ZNF624: variants seen among roughly 807,000 people sequenced by gnomAD.
ZNF624 encodes zinc finger protein 624.
In ZNF624, 43 loss-of-function variants were observed where a neutral mutation model predicts 74.7. The ratio of observed to expected loss-of-function variants is 0.58; its 90% CI spans 0.45 to 0.74. The LOEUF is 0.74. Ranked by LOEUF, ZNF624 falls within the 30% of genes least tolerant of loss-of-function variation. The probability of loss-of-function intolerance (pLI) is 0.00; values close to 1 mark genes in which losing one functional copy is unlikely to be tolerated. For synonymous variants in ZNF624, 331 were observed against 341.3 expected (o/e 0.97, Z 0.33); for missense variants, 820 against 1,030.0 (o/e 0.80, Z 2.79).
At chr17:16,616,496 G>A (rs1356861532), downstream of ZNF624, among the ~76,000 whole-genome samples, 2 of 152,102 alleles carry the variant, frequency 1.3e-5, no homozygotes, top group African/African-American at 4.8e-5. Context: ...TTAAAAATAA[G>A]CAAACAAATA....
chr17:16,651,145 G>C (rs1028763413), intron 1 of ZNF624, among the ~76,000 whole-genome samples: 8 of 152,050 alleles, frequency 5.3e-5, no homozygotes, highest in Non-Finnish European at 1.0e-4. Flanking sequence ...TAAATATCTT[G>C]GCTGGGCATG....
At chr17:16,629,572 T>C (rs112988503) in intron 5 of ZNF624, among the ~76,000 whole-genome samples, 5,602 of 152,128 alleles carry the variant, frequency 0.037, 337 homozygotes, top group African/African-American at 0.13. Context: ...TTTACTTACT[T>C]ACTTACTTAT....
At chr17:16,643,710 A>G (rs1428236975) in intron 3 of ZNF624, among the ~76,000 whole-genome samples, 3 of 152,258 alleles carry the variant, frequency 2.0e-5, no homozygotes, top group African/African-American at 2.4e-5. Context: ...TACTGCCAGA[A>G]GGACAATCTT....
At chr17:16,638,337 C>T (rs1234931439) in intron 3 of ZNF624, among the ~76,000 whole-genome samples, 7 of 152,120 alleles carry the variant, frequency 4.6e-5, no homozygotes, top group Non-Finnish European at 1.0e-4. Flanking sequence ...CTAGAAATAC[C>T]ATTTGACCCA....
Position 16,649,697 on chromosome 17 carries a change from T to C in ZNF624, c.48A>G (p.Gly16=), listed in dbSNP as rs1395712050. The change falls in exon 2 of 6, where the codon GGA becomes GGG. Residue 16 remains glycine (G), a synonymous_variant. Coordinates refer to ENST00000311331, the MANE Select transcript of ZNF624 (RefSeq NM_020787.4). ...AGAAAAACACAGCAGCCATAATCTC[T>C]CCCTCTGGTTTCCCCTCTCTGGAAA... is the stretch of plus-strand genomic sequence containing the variant. ...STLSREGKPE[G]EIMAAVFFSV... 28 of 1,613,826 alleles carry C rather than the reference T, an allele frequency of 1.7e-5. No individual in the cohort carries two copies. Among genetic ancestry groups the C allele is most frequent in the Non-Finnish European group, 2.3e-5 (27 of 1,179,880 alleles).
intron 5 of ZNF624, among the ~76,000 whole-genome samples, chr17:16,632,410 C>T (rs1381940976): frequency 1.3e-5 from 2 of 152,116 alleles, no homozygotes; most frequent in Non-Finnish European, 2.9e-5. Context: ...AAAAATAAAA[C>T]AAGTATTTTT....
At chr17:16,629,093 G>C (rs183979346) in intron 5 of ZNF624, among the ~76,000 whole-genome samples, 65 of 150,930 alleles carry the variant, frequency 4.3e-4, no homozygotes, top group Admixed American at 2.3e-3. Context: ...AGCTACTCAG[G>C]AGGCTGAGGC....
At chr17:16,633,521 A>AT in intron 5 of ZNF624, among the ~76,000 whole-genome samples, 1 of 152,240 alleles carries the variant, frequency 6.6e-6, no homozygotes, top group South Asian at 2.1e-4. Context: ...AAGAAATGTC[A>AT]GATAATGAAA....
rs1908931229 is a variant in ZNF624, at chr17:16,622,177, C to G, written c.*111G>C. ...TTTCCCACATAATTGCTTATAGTTT[C>G]TCTGTATACTTTCTGATAAATTCCT... On this transcript the variant is annotated 3_prime_UTR_variant, in exon 6 of 6. Coordinates refer to ENST00000311331, the MANE Select transcript of ZNF624 (RefSeq NM_020787.4). The G allele has an allele frequency of 1.3e-6, 1 of 775,522 alleles. No individual in the cohort carries two copies. 48.0% of individuals were successfully genotyped at this position (775,522 alleles called of 1,614,324 possible).
chr17:16,624,367 AT>A lies in ZNF624; in HGVS notation c.518del (p.Asp173ValfsTer4). The A allele has an allele frequency of 1.2e-6, 2 of 1,613,940 alleles. No homozygotes were observed. The highest frequency in any genetic ancestry group is 1.7e-6 in the Non-Finnish European group (2 of 1,179,986). ...GATTATTTTGTAATCTCAATATCCTATCATTCCATTTCCATAACCCTTCCAT... is the reference window on the plus strand; with the variant it reads ...GATTATTTTGTAATCTCAATATCCTACATTCCATTTCCATAACCCTTCCAT... Reference protein sequence around the residue: ...SRMEGLWKWNDRILRLQNNQE... With the variant: ...SRMEGLWKWNXRILRLQNNQE... On this transcript the variant is annotated frameshift_variant, in exon 6 of 6. Coordinates refer to ENST00000311331, the MANE Select transcript of ZNF624 (RefSeq NM_020787.4). LOFTEE classifies it high-confidence loss of function.
chr17:16,633,379 G>T (rs1909249323), intron 5 of ZNF624, among the ~76,000 whole-genome samples: 1 of 152,148 alleles, frequency 6.6e-6, no homozygotes, highest in Non-Finnish European at 1.5e-5. Flanking sequence ...TAAAAACCTG[G>T]AGGAGAGGTG....
At chr17:16,645,508 C>T (rs986824858) in intron 3 of ZNF624, among the ~76,000 whole-genome samples, 1 of 151,824 alleles carries the variant, frequency 6.6e-6, no homozygotes, top group Non-Finnish European at 1.5e-5. Context: ...TTATAATAAT[C>T]ATGCAATAAG....
rs769077914 is a variant in ZNF624 at position 16,622,631 on chromosome 17, T to C, written c.2255A>G (p.Tyr752Cys). 2.7e-5 allele frequency: 43 copies of C among 1,614,082 alleles called. No homozygotes were observed. The highest frequency in any genetic ancestry group is 1.6e-4 in the Middle Eastern group (1 of 6,062). The change falls in exon 6 of 6, where the codon TAT becomes TGT. Residue 752 changes from tyrosine to cysteine, a missense_variant. Coordinates refer to ENST00000311331, the MANE Select transcript of ZNF624 (RefSeq NM_020787.4). ...GGCTTTTCCACAGACATCACACTTATAGGGCTTCTCTCCACTATGGATTTT... is the reference window on the plus strand; with the variant it reads ...GGCTTTTCCACAGACATCACACTTACAGGGCTTCTCTCCACTATGGATTTT... ...HQKIHSGEKPYKCDVCGKAFR... is the reference protein window; with the variant it reads ...HQKIHSGEKPCKCDVCGKAFR...
In ZNF624 at chr17:16,622,298, T is replaced by G; in HGVS notation, c.2588A>C (p.Gln863Pro). Reference protein sequence around the residue: ...VHQRIHQRETQLI With the variant: ...VHQRIHQRETPLI ...ATGACTTATTGTTCTTTATATTAAC[T>G]GAGTTTCTCTTTGATGTATTCTTTG... The change falls in exon 6 of 6, where the codon CAG becomes CCG. Residue 863 changes from glutamine (Q) to proline (P), a missense_variant. Gln to Pro is a moderately conservative substitution (Grantham distance 76, BLOSUM62 -1). Transcript: ENST00000311331. The G allele has an allele frequency of 6.4e-7, 1 of 1,558,048 alleles. No homozygotes were observed. Among genetic ancestry groups the G allele is most frequent in the Non-Finnish European group, 8.6e-7 (1 of 1,156,862 alleles).
intron 3 of ZNF624, among the ~76,000 whole-genome samples, chr17:16,646,824 C>A (rs973565401): frequency 6.6e-6 from 1 of 152,130 alleles, no homozygotes; most frequent in Admixed American, 6.5e-5. Flanking sequence ...CTTGTTAAGA[C>A]AATGGTCTAA....
downstream of ZNF624, chr17:16,616,876 G>A: frequency 2.1e-6 from 3 of 1,403,882 alleles, no homozygotes; most frequent in Admixed American, 4.2e-5. Context: ...CCTGGACCTT[G>A]ATCTTGACTT....
At chr17:16,637,663 T>C (rs1027771272) in intron 3 of ZNF624, among the ~76,000 whole-genome samples, 3 of 152,188 alleles carry the variant, frequency 2.0e-5, no homozygotes, top group Non-Finnish European at 2.9e-5. Flanking sequence ...TGGCTGGCCA[T>C]ATGTAGAAAG....
rs1387320509 is a variant in ZNF624 at position 16,633,911 on chromosome 17, C to T, written c.327G>A (p.Gly109=). ...CTCTCACCGTCACCCATGGTCCTTT[C>T]CCATTCTCCAAATGAGATATCATGT... ...KPDMISHLEN[G]KGPWVTVREI... is the part of the protein sequence containing the mutation. Residue 109 remains glycine, a synonymous_variant, in exon 5 of 6, where the codon GGG becomes GGA. Coordinates refer to ENST00000311331, the MANE Select transcript of ZNF624 (RefSeq NM_020787.4). The T allele has an allele frequency of 6.2e-7, 1 of 1,613,588 alleles. No individual in the cohort carries two copies. The highest frequency in any genetic ancestry group is 1.3e-5 in the African/African-American group (1 of 74,898).
chr17:16,624,638 GT>G, intron 5 of ZNF624, 129 bp from the exon 6 acceptor site: 2 of 856,680 alleles, frequency 2.3e-6, no homozygotes, highest in Non-Finnish European at 3.4e-6. Context: ...ACACTGACTT[GT>G]TTTTTAGTGA....
Sources: allele counts gnomAD v4.1 joint callset (sites outside exome capture counted in the v4.1 genomes callset), GRCh38; gene constraint gnomAD v4.1.1; transcripts MANE v1.5; gene names NCBI Gene and HGNC (gene_info 2026-07-23, HGNC 2026-07-21).